Variants in NRG1 observed in about 807,000 individuals in gnomAD.
NRG1 encodes neuregulin 1, also known as pro-neuregulin-1, membrane-bound isoform.
A neutral mutation model predicts 63.8 loss-of-function variants in NRG1; 18 were observed. The observed-to-expected ratio is 0.28, with a 90% CI of 0.19 to 0.42. The LOEUF is 0.42. Among genes scored for constraint, NRG1 ranks in the 10% least tolerant of loss-of-function variants. The probability of loss-of-function intolerance (pLI) is 1.00; values close to 1 mark genes in which losing one functional copy is unlikely to be tolerated. For synonymous variants in NRG1, 302 were observed against 301.3 expected, an observed-to-expected ratio of 1.00 and a Z score of -0.02; for missense variants, 762 against 814.7, an observed-to-expected ratio of 0.94 and a Z score of 0.79.
At chr8:31,724,733 A>C (rs971695941) in intron 1 of NRG1, among the ~76,000 whole-genome samples, 1 of 152,162 alleles carries the variant, frequency 6.6e-6, no homozygotes, top group African/African-American at 2.4e-5. Context: ...CACACTGGCT[A>C]TATGAGACCT....
chr8:32,061,860 T>G (rs1179127562), intron 1 of NRG1: 4 of 152,040 alleles, frequency 2.6e-5, no homozygotes, highest in African/African-American at 7.2e-5. Flanking sequence ...GCATTCTTTG[T>G]TGCGTCATAT....
intron 1 of NRG1, among the ~76,000 whole-genome samples, chr8:31,733,963 T>G (rs1814385737): frequency 6.6e-6 from 1 of 152,184 alleles, no homozygotes; most frequent in Non-Finnish European, 1.5e-5. Flanking sequence ...CTGCAAGATC[T>G]TACACAATGC....
chr8:31,876,129 G>GT (rs1422203055), intron 1 of NRG1, among the ~76,000 whole-genome samples: 1 of 152,196 alleles, frequency 6.6e-6, no homozygotes, highest in Non-Finnish European at 1.5e-5. Context: ...AAGTCAGTTA[G>GT]TTTATATGAC....
At chr8:31,787,765 G>T (rs1486202967) in intron 1 of NRG1, among the ~76,000 whole-genome samples, 1 of 152,100 alleles carries the variant, frequency 6.6e-6, no homozygotes, top group African/African-American at 2.4e-5. Flanking sequence ...GCAGTCACTT[G>T]TTTTAAGTAA....
chr8:31,822,933 T>C (rs188696690), intron 1 of NRG1, among the ~76,000 whole-genome samples: 77 of 152,228 alleles, frequency 5.1e-4, no homozygotes, highest in African/African-American at 1.7e-3. Context: ...GTTTTATGAA[T>C]TGATGTGGCT....
At chr8:31,956,220 T>G (rs1171321409) in intron 1 of NRG1, among the ~76,000 whole-genome samples, 1 of 151,850 alleles carries the variant, frequency 6.6e-6, no homozygotes, top group Non-Finnish European at 1.5e-5. Flanking sequence ...GAAAAGACAA[T>G]TTAAAAAATG....
At chr8:32,420,598 A>G (rs1411694448) in intron 1 of NRG1, among the ~76,000 whole-genome samples, 2 of 151,150 alleles carry the variant, frequency 1.3e-5, no homozygotes, top group Non-Finnish European at 2.9e-5. Context: ...GATTGGATAC[A>G]TGCTATTGGT....
chr8:31,903,817 TG>T (rs1309369139), intron 1 of NRG1, among the ~76,000 whole-genome samples: 1 of 151,828 alleles, frequency 6.6e-6, no homozygotes, highest in Non-Finnish European at 1.5e-5. Context: ...TAGCCAGGCG[TG>T]GTGATGTGCG....
chr8:31,690,429 G>A lies in NRG1; in HGVS notation c.37+50998G>A, dbSNP rs149588431. Among the ~76,000 whole-genome samples, 100 of 152,330 alleles carry A rather than the reference G, an allele frequency of 6.6e-4. 1 individual carries two copies. The East Asian group carries it at 0.017, about 25-fold the overall frequency. On this transcript the variant is annotated intron_variant, in intron 1 of 10. Coordinates refer to the NRG1 transcript ENST00000519301. ...TAGTCATGTGGGCAACTACACAACTGCATTGGAGGCAGAGGGAACATTTAC... is the reference window on the plus strand; with the variant it reads ...TAGTCATGTGGGCAACTACACAACTACATTGGAGGCAGAGGGAACATTTAC...
rs76475005 is a variant in NRG1, at chr8:32,218,909, G to A, written c.38-376919G>A. Among the ~76,000 whole-genome samples, 134 of 152,250 alleles carry A rather than the reference G, an allele frequency of 8.8e-4. 1 individual carries two copies. In the East Asian group the frequency reaches 0.022, roughly 25 times the overall value. On this transcript the variant is annotated intron_variant, in intron 1 of 10. Coordinates refer to the NRG1 transcript ENST00000519301. ...CAAGGTCCTTACTCACAGTCAGGAT[G>A]CATGGCAGTACCCTTAATAACTACA...
chr8:31,947,512 T>C (rs12114772), intron 1 of NRG1, among the ~76,000 whole-genome samples: 1,953 of 152,286 alleles, frequency 0.013, 33 homozygotes, highest in South Asian at 0.084. Flanking sequence ...GTATTCTTTG[T>C]AATATCTTTA....
chr8:31,851,578 A>G (rs1827222924), intron 1 of NRG1, among the ~76,000 whole-genome samples: 1 of 152,026 alleles, frequency 6.6e-6, no homozygotes, highest in Non-Finnish European at 1.5e-5. Context: ...TTGCCATTTG[A>G]TATGGGAATA....
intron 2 of NRG1, among the ~76,000 whole-genome samples, chr8:32,603,579 A>G (rs1281270490): frequency 6.6e-6 from 1 of 152,028 alleles, no homozygotes; most frequent in Non-Finnish European, 1.5e-5. Context: ...CCGGATTCAA[A>G]TGATTCTCCC....
chr8:32,025,735 C>T (rs1011416616), intron 1 of NRG1, among the ~76,000 whole-genome samples: 4 of 151,902 alleles, frequency 2.6e-5, no homozygotes, highest in African/African-American at 7.2e-5. Flanking sequence ...ATCACGAGGT[C>T]AGGAGATCGA....
chr8:32,157,400 G>A (rs1459578865), intron 1 of NRG1, among the ~76,000 whole-genome samples: 1 of 141,458 alleles, frequency 7.1e-6, no homozygotes, highest in Non-Finnish European at 1.5e-5. Flanking sequence ...GGCGGCTCAC[G>A]CCTGTAATCG....
intron 1 of NRG1, among the ~76,000 whole-genome samples, chr8:32,237,567 A>T (rs1244823765): frequency 1.3e-5 from 2 of 152,200 alleles, no homozygotes; most frequent in East Asian, 3.9e-4. Flanking sequence ...GCAGTTTTGA[A>T]TAGAAGGTGA....
chr8:31,774,215 C>A (rs1818899014), intron 1 of NRG1, among the ~76,000 whole-genome samples: 2 of 152,068 alleles, frequency 1.3e-5, no homozygotes, highest in Admixed American at 1.3e-4. Context: ...GTTGCCTCTA[C>A]TGGGCACTTC....
At chr8:32,093,306 C>T (rs530697714) in intron 1 of NRG1, among the ~76,000 whole-genome samples, 48 of 152,230 alleles carry the variant, frequency 3.2e-4, no homozygotes, top group Non-Finnish European at 6.3e-4. Context: ...CCTTCAAAGG[C>T]AAGTGTCATG....
At chr8:32,310,504 C>G (rs1201634889) in intron 1 of NRG1, among the ~76,000 whole-genome samples, 1 of 152,136 alleles carries the variant, frequency 6.6e-6, no homozygotes, top group Non-Finnish European at 1.5e-5. Flanking sequence ...GACTCAGTGT[C>G]TTTAGTAGAG....
Sources: allele counts gnomAD v4.1 joint callset (sites outside exome capture counted in the v4.1 genomes callset), GRCh38; gene constraint gnomAD v4.1.1; transcripts MANE v1.5; gene names NCBI Gene and HGNC (gene_info 2026-07-23, HGNC 2026-07-21).